PCDHGA1: variants seen among roughly 807,000 people sequenced by gnomAD.
PCDHGA1 encodes protocadherin gamma-A1.
A neutral mutation model predicts 58.0 loss-of-function variants in PCDHGA1; 32 were observed. That is an observed-to-expected ratio of 0.55 (90% confidence interval 0.42 to 0.74). PCDHGA1 has a LOEUF of 0.74. Ranked by LOEUF, PCDHGA1 falls within the 30% of genes least tolerant of loss-of-function variation. PCDHGA1 has a pLI of 0.00. For synonymous variants in PCDHGA1, 498 were observed against 501.1 expected (o/e 0.99, Z 0.08); for missense variants, 1,205 against 1,182.3 (o/e 1.02, Z -0.28).
At position 141,330,961 on chromosome 5, in the gene PCDHGA1, G is replaced by C. The variant is rs1213012563; in HGVS notation, c.277G>C (p.Glu93Gln). The C allele has an allele frequency of 3.1e-6, 5 of 1,614,206 alleles. No individual in the cohort carries two copies. In the South Asian group the frequency reaches 4.4e-5, roughly 14 times the overall value. Reference sequence around the variant, plus strand: ...GATCACCGCGCGCAGGATAGACCGGGAGGAGCTCTGCGCTCAGAGCATGCC... The same window carrying C: ...GATCACCGCGCGCAGGATAGACCGGCAGGAGCTCTGCGCTCAGAGCATGCC... ...SLITARRIDR[E>Q]ELCAQSMPCL... Residue 93 changes from glutamate to glutamine, a missense_variant, in exon 1 of 4, where the codon GAG becomes CAG. Coordinates refer to ENST00000517417, the MANE Select transcript of PCDHGA1 (RefSeq NM_018912.3).
intron 1 of PCDHGA1, chr5:141,394,548 C>T (rs1176145709): frequency 6.2e-7 from 1 of 1,614,160 alleles, no homozygotes; most frequent in Admixed American, 1.7e-5. Context: ...GGAGCTGGCG[C>T]CCCGCTCCGC....
Position 141,408,446 on chromosome 5 carries a change from G to A in PCDHGA1, c.2421+75341G>A, listed in dbSNP as rs371079756. 1.7e-5 allele frequency: 28 copies of A among 1,613,946 alleles called. No individual in the cohort carries two copies. Among genetic ancestry groups the A allele is most frequent in the Non-Finnish European group, 1.1e-5 (13 of 1,179,916 alleles). On this transcript the variant is annotated intron_variant, in intron 1 of 3. Transcript: ENST00000517417. ...GCACTTCAGCGTAGACGCGGAGAGC[G>A]GGGACTTACTTGTGAAGAACCGAAT...
chr5:141,356,569 T>C, intron 1 of PCDHGA1: 1 of 1,614,170 alleles, frequency 6.2e-7, no homozygotes, highest in Non-Finnish European at 8.5e-7. Flanking sequence ...TCATGCTTCC[T>C]ACTCTGCTTA....
rs776773140 is a variant in PCDHGA1, at chr5:141,476,589, G to A, written c.2422-18218G>A. 5 of 1,614,246 alleles carry A rather than the reference G, an allele frequency of 3.1e-6. No individual in the cohort carries two copies. Among genetic ancestry groups the A allele is most frequent in the Non-Finnish European group, 4.2e-6 (5 of 1,180,046 alleles). On this transcript the variant is annotated intron_variant, in intron 1 of 3. Coordinates refer to ENST00000517417, the MANE Select transcript of PCDHGA1 (RefSeq NM_018912.3). This position sits in a 1 kb window ranked among gnomAD's most constrained non-coding sequence, Gnocchi z 7.6. ...CCGGGGACGCGCTTTCCGCTCGAGA[G>A]CGCGCACGATCCCGATGTGGGAAGC...
intron 1 of PCDHGA1, chr5:141,365,748 CTG>C: frequency 6.2e-7 from 1 of 1,613,834 alleles, no homozygotes; most frequent in Non-Finnish European, 8.5e-7. Context: ...TCTATCTTCT[CTG>C]TGACAGCCCA....
At position 141,490,821 on chromosome 5, in the gene PCDHGA1, G is replaced by A. The variant is rs907584239; in HGVS notation, c.2422-3986G>A. On this transcript the variant is annotated intron_variant, in intron 1 of 3. Transcript: ENST00000517417. The surrounding 1 kb of genome is among the most constrained non-coding windows in gnomAD (Gnocchi z 5.4). ...AGCGTACCTTTGACTATGAATTGCT[G>A]CAGATGCTGCAGATTGTGGTGGGGG... 6.2e-7 allele frequency: 1 copy of A among 1,613,876 alleles called. No homozygotes were observed. Among genetic ancestry groups the A allele is most frequent in the Non-Finnish European group, 8.5e-7 (1 of 1,179,826 alleles).
intron 1 of PCDHGA1, chr5:141,375,289 T>C (rs760342816): frequency 6.2e-7 from 1 of 1,613,842 alleles, no homozygotes; most frequent in South Asian, 1.1e-5. Flanking sequence ...GCAATTATTA[T>C]CGATTAGTGA....
chr5:141,360,438 G>A (rs1761598718), intron 1 of PCDHGA1: 1 of 1,613,844 alleles, frequency 6.2e-7, no homozygotes, highest in Non-Finnish European at 8.5e-7. Flanking sequence ...AGCAGCCTCT[G>A]TGTGTTCTGG....
intron 1 of PCDHGA1, chr5:141,376,150 C>T (rs1411473107): frequency 1.6e-5 from 26 of 1,613,928 alleles, no homozygotes; most frequent in Non-Finnish European, 2.2e-5. Flanking sequence ...ATTCGGACCT[C>T]ACTCTGTACC....
At chr5:141,341,619 T>C (rs1757073375) in intron 1 of PCDHGA1, 1 of 876,736 alleles carries the variant, frequency 1.1e-6, no homozygotes, top group East Asian at 2.7e-5. Flanking sequence ...CAGGAGTTAA[T>C]AGATAAGATT....
chr5:141,510,251 C>G (rs569804850), intron 3 of PCDHGA1, among the ~76,000 whole-genome samples: 1 of 144,724 alleles, frequency 6.9e-6, no homozygotes, highest in African/African-American at 2.6e-5. Flanking sequence ...CCAGGCTGGG[C>G]GACAGAGCAG....
intron 1 of PCDHGA1, chr5:141,419,935 G>T: frequency 6.2e-7 from 1 of 1,614,070 alleles, no homozygotes; most frequent in Non-Finnish European, 8.5e-7. Flanking sequence ...AGTTTTACCT[G>T]GTGGTGGCCT....
At chr5:141,389,465 A>G (rs1485260449) in intron 1 of PCDHGA1, 2 of 1,613,184 alleles carry the variant, frequency 1.2e-6, no homozygotes, top group Admixed American at 1.7e-5. Context: ...GCGCCTTCGA[A>G]CTCACACTGC....
At chr5:141,385,189 C>T (rs368141492) in intron 1 of PCDHGA1, 2 of 1,614,222 alleles carry the variant, frequency 1.2e-6, no homozygotes, top group Non-Finnish European at 1.7e-6. Context: ...CGCGGACTCT[C>T]GGAAGAGTCA....
chr5:141,432,823 C>A lies in PCDHGA1; in HGVS notation c.2422-61984C>A. 1 of 1,614,184 alleles carries A rather than the reference C, an allele frequency of 6.2e-7. No homozygotes were observed. Among genetic ancestry groups the A allele is most frequent in the Non-Finnish European group, 8.5e-7 (1 of 1,180,004 alleles). On this transcript the variant is annotated intron_variant, in intron 1 of 3. Transcript: ENST00000517417. The surrounding 1 kb of genome is among the most constrained non-coding windows in gnomAD (Gnocchi z 6.0). ...CTCCAGCTAACTCTGAAACCTCAGA[C>A]CTCACTCTGTACCTGGTGGTAGCGG...
At chr5:141,405,218 G>C in intron 1 of PCDHGA1, 3 of 1,613,986 alleles carry the variant, frequency 1.9e-6, no homozygotes, top group Non-Finnish European at 2.5e-6. Context: ...CTATTCTCAG[G>C]AGTTCTCCCT....
In PCDHGA1 at chr5:141,332,501, A is replaced by G. The variant is rs772461176; in HGVS notation, c.1817A>G (p.Tyr606Cys). The G allele has an allele frequency of 2.0e-5, 32 of 1,611,334 alleles. No homozygotes were observed. The highest frequency in any genetic ancestry group is 2.5e-5 in the Non-Finnish European group (30 of 1,179,870). ...RDSGQNAWLS[Y>C]RLLKASEPGL... ...TCGGGCCAGAACGCCTGGCTGTCCT[A>G]CCGCCTGCTCAAGGCCAGCGAGCCG... Residue 606 changes from tyrosine to cysteine, a missense_variant, in exon 1 of 4, where the codon TAC becomes TGC. By Grantham distance (194) the Tyr-to-Cys change is radical. Transcript: ENST00000517417. The surrounding 1 kb of genome is among the most constrained non-coding windows in gnomAD (Gnocchi z 4.6).
chr5:141,361,021 G>GA (rs758957504), intron 1 of PCDHGA1: 19 of 1,612,934 alleles, frequency 1.2e-5, no homozygotes, highest in Admixed American at 6.7e-5. Flanking sequence ...CAACTTAAAT[G>GA]AAAAAACAGG....
At chr5:141,365,104 C>T (rs775966290) in intron 1 of PCDHGA1, 1 of 1,613,874 alleles carries the variant, frequency 6.2e-7, no homozygotes, top group Non-Finnish European at 8.5e-7. Context: ...TACCTGTGGG[C>T]ACTCGGCTGC....
Sources: allele counts gnomAD v4.1 joint callset (sites outside exome capture counted in the v4.1 genomes callset), GRCh38; gene constraint gnomAD v4.1.1; non-coding constraint Gnocchi (gnomAD v3.1); transcripts MANE v1.5; gene names NCBI Gene and HGNC (gene_info 2026-07-23, HGNC 2026-07-21).